Variants in VGLL3 observed in about 807,000 individuals in gnomAD.
VGLL3 encodes vestigial like family member 3.
Under a neutral mutation model 29.2 loss-of-function variants are expected in VGLL3, and 18 were observed. That is an observed-to-expected ratio of 0.62 (90% CI 0.43 to 0.91). VGLL3 has a LOEUF of 0.91. Ranked by LOEUF, VGLL3 falls within the 40% of genes least tolerant of loss-of-function variation. VGLL3 has a pLI of 0.00. For synonymous variants in VGLL3, 180 were observed against 151.8 expected (o/e 1.19, Z -1.36); for missense variants, 440 against 413.2 (o/e 1.06, Z -0.56).
At chr3:86,973,733 C>A (rs1174900451) in intron 2 of VGLL3, among the ~76,000 whole-genome samples, 1 of 152,152 alleles carries the variant, frequency 6.6e-6, no homozygotes, top group Non-Finnish European at 1.5e-5. Flanking sequence ...CTTTTCCTTT[C>A]TCCATTTGAC....
Position 86,966,773 on chromosome 3 carries a change from G to GTATA in VGLL3, c.937+1813_937+1816dup, listed in dbSNP as rs55986686. ...GAACTTAAAGTAATAGTGTGTGTGT[G>GTATA]TATATATATATATATATATATATAT... On this transcript the variant is annotated intron_variant, in intron 3 of 3. Transcript: ENST00000398399. Among the ~76,000 whole-genome samples the GTATA allele has an allele frequency of 8.8e-3, 332 of 37,900 alleles. 7 individuals are homozygous for GTATA. The highest frequency in any genetic ancestry group is 0.011 in the Non-Finnish European group (222 of 20,440). 24.9% of individuals were successfully genotyped at this position (37,900 alleles called of 152,430 possible). A position where few individuals can be genotyped will look rare whatever the true frequency, so the allele number is the denominator to read the frequency against.
Position 86,946,934 on chromosome 3 carries a change from T to A in VGLL3, c.*90A>T. 1.3e-6 allele frequency: 1 copy of A among 758,046 alleles called. No homozygotes were observed. Among genetic ancestry groups the A allele is most frequent in the Non-Finnish European group, 2.5e-6 (1 of 406,734 alleles). 47.0% of individuals were successfully genotyped at this position (758,046 alleles called of 1,614,324 possible). Reference sequence around the variant, plus strand: ...GTCTTCTCCTTCTATGCCTTTCGTGTCCTATTGCTGAATGGAAAAACCCGA... The same window carrying A: ...GTCTTCTCCTTCTATGCCTTTCGTGACCTATTGCTGAATGGAAAAACCCGA... On this transcript the variant is annotated 3_prime_UTR_variant, in exon 4 of 4. Transcript: ENST00000398399.
At chr3:86,947,153 T>G in intron 3 of VGLL3, 86 bp from the exon 4 acceptor site, 1 of 759,410 alleles carries the variant, frequency 1.3e-6, no homozygotes, top group Non-Finnish European at 2.5e-6. Context: ...ACATTGGATA[T>G]AGAAACCAAA....
At position 86,978,627 on chromosome 3, in the gene VGLL3, A is replaced by G; in HGVS notation, c.302T>C (p.Val101Ala). Residue 101 changes from valine to alanine, a missense_variant, in exon 2 of 4, where the codon GTA becomes GCA. Coordinates refer to ENST00000398399, the MANE Select transcript of VGLL3 (RefSeq NM_016206.4). ...AGCTCTTGAGAAGTGTTCATCCACT[A>G]CTGACCCAATGTCTCCCTGGAAATA... Reference protein sequence around the residue: ...FTYFQGDIGSVVDEHFSRALG... With the variant: ...FTYFQGDIGSAVDEHFSRALG... The G allele has an allele frequency of 1.2e-6, 2 of 1,614,168 alleles. No homozygotes were observed. The highest frequency in any genetic ancestry group is 2.7e-5 in the African/African-American group (2 of 75,046).
In VGLL3 at chr3:86,942,703, A is replaced by C. The variant is rs1704423760; in HGVS notation, c.*4321T>G. Reference sequence around the variant, plus strand: ...TGAATTGGACCTACATGCCACTTTAAGGTTAATTTATTTTTCCTTCAGAAA... The same window carrying C: ...TGAATTGGACCTACATGCCACTTTACGGTTAATTTATTTTTCCTTCAGAAA... On this transcript the variant is annotated 3_prime_UTR_variant, in exon 4 of 4. Transcript: ENST00000398399. 1 of 152,186 alleles carries C rather than the reference A, an allele frequency of 6.6e-6. No homozygotes were observed. The highest frequency in any genetic ancestry group is 1.5e-5 in the Non-Finnish European group (1 of 68,028). The allele number at this position is 152,186 out of a possible 1,614,324, so 9.4% of individuals were successfully genotyped here. A position where few individuals can be genotyped will look rare whatever the true frequency, so the allele number is the denominator to read the frequency against.
intron 3 of VGLL3, among the ~76,000 whole-genome samples, chr3:86,967,547 G>A (rs1704990662): frequency 1.3e-5 from 2 of 152,156 alleles, no homozygotes; most frequent in Non-Finnish European, 2.9e-5. Context: ...ATAAAGCTGA[G>A]CATTTATGAC....
chr3:86,955,035 G>T (rs1704690510), intron 3 of VGLL3, among the ~76,000 whole-genome samples: 1 of 152,020 alleles, frequency 6.6e-6, no homozygotes, highest in Non-Finnish European at 1.5e-5. Flanking sequence ...AGGTTTCTAG[G>T]TTATGCAGTG....
intron 3 of VGLL3, among the ~76,000 whole-genome samples, chr3:86,959,619 A>T (rs1046853109): frequency 6.6e-6 from 1 of 152,174 alleles, no homozygotes; most frequent in Non-Finnish European, 1.5e-5. Flanking sequence ...GAATTGGAGC[A>T]TTATTATATT....
At position 86,980,492 on chromosome 3, in the gene VGLL3, A is replaced by G. The variant is rs1242398224; in HGVS notation, c.127-1690T>C. Among the ~76,000 whole-genome samples, 6 of 152,242 alleles carry G rather than the reference A, an allele frequency of 3.9e-5. No homozygotes were observed. The East Asian group carries it at 1.2e-3, about 29-fold the overall frequency. On this transcript the variant is annotated intron_variant, in intron 1 of 3. Coordinates refer to ENST00000398399, the MANE Select transcript of VGLL3 (RefSeq NM_016206.4). ...GTTATGATTTGTTGATGAATAGATA[A>G]TTCATACTTTGTAAGTGAATGTGCC...
chr3:86,960,354 G>C (rs1251826184), intron 3 of VGLL3, among the ~76,000 whole-genome samples: 2 of 152,086 alleles, frequency 1.3e-5, no homozygotes, highest in Non-Finnish European at 2.9e-5. Flanking sequence ...GGCACAAGCT[G>C]TCCATGAAGA....
intron 2 of VGLL3, 137 bp from the exon 3 acceptor site, chr3:86,969,260 A>T: frequency 9.2e-7 from 1 of 1,085,416 alleles, no homozygotes; most frequent in African/African-American, 1.6e-5. Flanking sequence ...TTCTCCCCAA[A>T]CAGGGGTGAA....
intron 2 of VGLL3, among the ~76,000 whole-genome samples, chr3:86,974,573 T>C (rs1162929619): frequency 6.6e-6 from 1 of 152,176 alleles, no homozygotes; most frequent in East Asian, 1.9e-4. Flanking sequence ...CTAAAAAAAC[T>C]TACCTAGCTT....
intron 1 of VGLL3, among the ~76,000 whole-genome samples, chr3:86,985,607 G>A: frequency 6.6e-6 from 1 of 152,154 alleles, no homozygotes; most frequent in East Asian, 1.9e-4. Flanking sequence ...GGGTCTAATG[G>A]TTCAAGGCAG....
chr3:86,947,875 T>C (rs1358529198), intron 3 of VGLL3, among the ~76,000 whole-genome samples: 1 of 152,070 alleles, frequency 6.6e-6, no homozygotes, highest in African/African-American at 2.4e-5. Flanking sequence ...TCTAATACAG[T>C]TAATTGAATA....
Position 86,941,331 on chromosome 3 carries a change from A to T in VGLL3, c.*5693T>A, listed in dbSNP as rs1363013545. ...ATAGAAAGAAATGTACATCTCTATTAATATAAAGTGATATCAATAGGAAAG... is the reference window on the plus strand; with the variant it reads ...ATAGAAAGAAATGTACATCTCTATTTATATAAAGTGATATCAATAGGAAAG... On this transcript the variant is annotated 3_prime_UTR_variant, in exon 4 of 4. Coordinates refer to ENST00000398399, the MANE Select transcript of VGLL3 (RefSeq NM_016206.4). 1 of 152,500 alleles carries T rather than the reference A, an allele frequency of 6.6e-6. No homozygotes were observed. Among genetic ancestry groups the T allele is most frequent in the Non-Finnish European group, 1.5e-5 (1 of 67,954 alleles). The allele number at this position is 152,500 out of a possible 1,614,324, so 9.4% of individuals were successfully genotyped here.
In VGLL3 at chr3:86,969,011, G is replaced by A; in HGVS notation, c.516C>T (p.Val172=). ...CAGAAAAGGTGCCAGGGGGTCCAGT[G>A]ACCTGGAAGTCAGGATGAACTCCCC... ...CLGGVHPDFQ[V]TGPPGTFSAA... Residue 172 remains valine, a synonymous_variant, in exon 3 of 4, where the codon GTC becomes GTT. Coordinates refer to ENST00000398399, the MANE Select transcript of VGLL3 (RefSeq NM_016206.4). 1 of 1,614,144 alleles carries A rather than the reference G, an allele frequency of 6.2e-7. No homozygotes were observed. The highest frequency in any genetic ancestry group is 1.1e-5 in the South Asian group (1 of 91,070).
intron 3 of VGLL3, among the ~76,000 whole-genome samples, chr3:86,948,897 G>A (rs1306603348): frequency 6.6e-6 from 1 of 152,190 alleles, no homozygotes; most frequent in African/African-American, 2.4e-5. Context: ...TTTCTGGTTA[G>A]AATAATTTGC....
At position 86,940,257 on chromosome 3, in the gene VGLL3, A is replaced by C. The variant is rs199869393; in HGVS notation, c.*6767T>G. The C allele has an allele frequency of 7.2e-5, 11 of 152,418 alleles. No homozygotes were observed. The highest frequency in any genetic ancestry group is 1.3e-4 in the Non-Finnish European group (9 of 68,028). 9.4% of individuals were successfully genotyped at this position (152,418 alleles called of 1,614,324 possible). On this transcript the variant is annotated 3_prime_UTR_variant, in exon 4 of 4. Transcript: ENST00000398399. ...TTTCAATGTTAATGAATCGTAGAAA[A>C]GTTTTTGTTTGTTTTTTCATACTAC...
intron 2 of VGLL3, among the ~76,000 whole-genome samples, chr3:86,972,070 C>T (rs2107028987): frequency 6.6e-6 from 1 of 152,248 alleles, no homozygotes; most frequent in African/African-American, 2.4e-5. Context: ...TGCTTTTAGT[C>T]TCATTTATAT....
Sources: gnomAD v4.1 joint callset for allele counts (sites outside exome capture counted in the v4.1 genomes callset) on GRCh38, gnomAD v4.1.1 for gene constraint, MANE v1.5 for transcripts, NCBI Gene and HGNC (gene_info 2026-07-23, HGNC 2026-07-21) for gene names.